The following SLC17A5 variants were observed in gnomAD, a reference collection of about 807,000 sequenced individuals.
SLC17A5 encodes the protein sialin.
A neutral mutation model predicts 59.4 loss-of-function variants in SLC17A5; 47 were observed. That is an observed-to-expected ratio of 0.79 (90% CI 0.63 to 1.01). The LOEUF (loss-of-function observed/expected upper bound fraction) is 1.01. Among genes scored for constraint, SLC17A5 ranks in the 50% least tolerant of loss-of-function variants. The pLI is 0.00. For synonymous variants in SLC17A5, 202 were observed against 210.7 expected (o/e 0.96, Z 0.36); for missense variants, 522 against 595.5 (o/e 0.88, Z 1.28).
chr6:73,600,832 G>A (rs1444042626), intron 9 of SLC17A5, among the ~76,000 whole-genome samples: 1 of 152,106 alleles, frequency 6.6e-6, no homozygotes, highest in Admixed American at 6.6e-5. Context: ...TTCTGCTCCA[G>A]GTTGTGTTCT....
chr6:73,597,808 C>CA (rs1251655157), intron 10 of SLC17A5, among the ~76,000 whole-genome samples: 3 of 151,522 alleles, frequency 2.0e-5, no homozygotes, highest in Non-Finnish European at 2.9e-5. Context: ...AACAAACAAA[C>CA]AAAAAACCCA....
At chr6:73,602,225 A>T (rs1451822918) in intron 9 of SLC17A5, among the ~76,000 whole-genome samples, 1 of 149,824 alleles carries the variant, frequency 6.7e-6, no homozygotes, top group Non-Finnish European at 1.5e-5. Context: ...TTTGTTAAAC[A>T]GATGCTTGAA....
intron 6 of SLC17A5, among the ~76,000 whole-genome samples, chr6:73,631,603 C>G (rs150078149): frequency 5.3e-5 from 8 of 152,034 alleles, no homozygotes; most frequent in African/African-American, 1.9e-4. Context: ...AGAAACCCAA[C>G]TTGTTCAACT....
intron 3 of SLC17A5, among the ~76,000 whole-genome samples, chr6:73,638,743 G>A (rs1198913081): frequency 1.3e-5 from 2 of 152,080 alleles, no homozygotes; most frequent in Non-Finnish European, 2.9e-5. Context: ...GCCAAGGCAG[G>A]AGGATTGCTT....
intron 3 of SLC17A5, among the ~76,000 whole-genome samples, 173 bp from the exon 4 acceptor site, chr6:73,638,672 T>C (rs1363117709): frequency 6.6e-6 from 1 of 152,126 alleles, no homozygotes; most frequent in African/African-American, 2.4e-5. Flanking sequence ...TATAATGAAG[T>C]ACTTTCAGAA....
chr6:73,614,607 C>G (rs1459250911), intron 8 of SLC17A5, among the ~76,000 whole-genome samples: 1 of 152,072 alleles, frequency 6.6e-6, no homozygotes. Context: ...GGCACCACCC[C>G]CAAACTCCAG....
chr6:73,638,847 G>T (rs560676323), intron 3 of SLC17A5, among the ~76,000 whole-genome samples: 2 of 152,022 alleles, frequency 1.3e-5, no homozygotes, highest in South Asian at 4.2e-4. Flanking sequence ...ATGGATTTTG[G>T]AACTGGTTTT....
chr6:73,635,596 A>G (rs1334585404), intron 5 of SLC17A5, 96 bp from the exon 6 acceptor site: 3 of 647,602 alleles, frequency 4.6e-6, no homozygotes, highest in Admixed American at 5.8e-5. Flanking sequence ...ACCAACAACA[A>G]TTTTTACATG....
chr6:73,646,154 C>T (rs1208613637), intron 1 of SLC17A5, among the ~76,000 whole-genome samples: 1 of 152,142 alleles, frequency 6.6e-6, no homozygotes, highest in East Asian at 1.9e-4. Flanking sequence ...AATGACACAT[C>T]AACATCATAT....
At position 73,651,392 on chromosome 6, in the gene SLC17A5, C is replaced by T. The variant is rs1455614899; in HGVS notation, c.94+2401G>A. The stretch of plus-strand genomic sequence containing the variant: ...AGGAGAATCACTTGAACCGGGGAGG[C>T]TGAGGCTGCAGTGAGCCGAGATCGC... On this transcript the variant is annotated intron_variant, in intron 1 of 10. Transcript: ENST00000355773. Among the ~76,000 whole-genome samples, 4 of 128,752 alleles carry T rather than the reference C, an allele frequency of 3.1e-5. No individual in the cohort carries two copies. In the Admixed American group the frequency reaches 3.7e-4, roughly 12 times the overall value. The allele number at this position is 128,752 out of a possible 152,430, so 84.5% of individuals were successfully genotyped here.
At chr6:73,653,366 C>T (rs1769959599) in intron 1 of SLC17A5, 1 of 985,462 alleles carries the variant, frequency 1.0e-6, no homozygotes, top group African/African-American at 1.7e-5. Context: ...CCAGTTTGCT[C>T]TTACACCGGG....
intron 9 of SLC17A5, among the ~76,000 whole-genome samples, chr6:73,602,694 G>C (rs1344047206): frequency 6.6e-6 from 1 of 150,858 alleles, no homozygotes; most frequent in Non-Finnish European, 1.5e-5. Flanking sequence ...AGAATGGCGT[G>C]AACCTGGGAG....
rs1163170650 is a variant in SLC17A5 at position 73,632,434 on chromosome 6, C to CT, written c.819+2947dup. On this transcript the variant is annotated intron_variant, in intron 6 of 10. Transcript: ENST00000355773. ...AAGACACATATCGATGTAGAGAAAG[C>CT]TTTTTTTTTTTTTTTTTTTTTTTTT... Among the ~76,000 whole-genome samples the CT allele has an allele frequency of 7.4e-3, 642 of 86,764 alleles. 54 individuals are homozygous for CT. The highest frequency in any genetic ancestry group is 8.3e-3 in the Non-Finnish European group (364 of 43,746). The allele number at this position is 86,764 out of a possible 152,430, so 56.9% of individuals were successfully genotyped here. A position where few individuals can be genotyped will look rare whatever the true frequency, so the allele number is the denominator to read the frequency against.
chr6:73,607,557 C>T (rs1767448732), intron 9 of SLC17A5, among the ~76,000 whole-genome samples: 1 of 152,030 alleles, frequency 6.6e-6, no homozygotes, highest in African/African-American at 2.4e-5. Flanking sequence ...TGAGCCATTA[C>T]ACCCGGCCGA....
chr6:73,601,213 G>A (rs1317478742), intron 9 of SLC17A5, among the ~76,000 whole-genome samples: 2 of 149,252 alleles, frequency 1.3e-5, no homozygotes, highest in Non-Finnish European at 3.0e-5. Flanking sequence ...TGGGATGTGA[G>A]GAGCGCCTCT....
chr6:73,653,124 GA>G (rs3839494), intron 1 of SLC17A5: 8 of 985,048 alleles, frequency 8.1e-6, no homozygotes, highest in East Asian at 1.1e-4. Context: ...CTGCCAGACG[GA>G]AAAAAAATGT....
chr6:73,622,079 T>C, intron 6 of SLC17A5, 117 bp from the exon 7 acceptor site: 1 of 923,190 alleles, frequency 1.1e-6, no homozygotes, highest in Non-Finnish European at 1.7e-6. Context: ...ATTAGTAAAC[T>C]CCAAATTTTT....
At chr6:73,618,617 G>A (rs894011727) in intron 7 of SLC17A5, 3 of 454,022 alleles carry the variant, frequency 6.6e-6, no homozygotes, top group South Asian at 2.0e-5. Flanking sequence ...GAATCAAGAT[G>A]AGTGGAAAAC....
In SLC17A5 at chr6:73,600,428, G is replaced by A; in HGVS notation, c.1273C>T (p.Leu425Phe). Residue 425 changes from leucine (L) to phenylalanine (F), a missense_variant, in exon 10 of 11, where the codon CTC (leucine) becomes TTC (phenylalanine). Physicochemically the swap from Leu to Phe is conservative, Grantham distance 22. Coordinates refer to ENST00000355773, the MANE Select transcript of SLC17A5 (RefSeq NM_012434.5). Reference sequence around the variant, plus strand: ...GCAAATGTATTTGTGATGCCCAGGAGGATACCAGCATACCTGTAGAAACAT... The same window carrying A: ...GCAAATGTATTTGTGATGCCCAGGAAGATACCAGCATACCTGTAGAAACAT... ...LDIAPSYAGILLGITNTFATI... is the reference protein window; with the variant it reads ...LDIAPSYAGIFLGITNTFATI... 6.2e-7 allele frequency: 1 copy of A among 1,613,290 alleles called. No individual in the cohort carries two copies. Among genetic ancestry groups the A allele is most frequent in the East Asian group, 2.2e-5 (1 of 44,878 alleles).
Sources: allele counts gnomAD v4.1 joint callset (sites outside exome capture counted in the v4.1 genomes callset), GRCh38; gene constraint gnomAD v4.1.1; transcripts MANE v1.5; gene names NCBI Gene and HGNC (gene_info 2026-07-23, HGNC 2026-07-21).